Variants in CSN1S1 observed in about 807,000 individuals in gnomAD.
The protein encoded by CSN1S1 is casein alpha s1.
Under a neutral mutation model 49.1 loss-of-function variants are expected in CSN1S1, and 63 were observed. The observed-to-expected ratio is 1.28, with a 90% confidence interval of 1.05 to 1.58. The LOEUF (loss-of-function observed/expected upper bound fraction) is 1.58, where lower values mean the gene tolerates loss of function less well. Among genes scored for constraint, CSN1S1 ranks in the 40% most tolerant of loss-of-function variants. The pLI is 0.00. For missense variants in CSN1S1, 260 were observed against 224.7 expected (o/e 1.16, Z -1.01); for synonymous variants, 78 against 67.1 (o/e 1.16, Z -0.79).
chr4:69,943,083 C>G (rs1019509186), intron 14 of CSN1S1, among the ~76,000 whole-genome samples: 14 of 150,324 alleles, frequency 9.3e-5, no homozygotes, highest in African/African-American at 3.2e-4. Flanking sequence ...CTGTCACTGG[C>G]TAAAGTAAAA....
At chr4:69,933,044 A>T (rs1239689703) in intron 2 of CSN1S1, among the ~76,000 whole-genome samples, 1 of 151,968 alleles carries the variant, frequency 6.6e-6, no homozygotes, top group Non-Finnish European at 1.5e-5. Context: ...TACTTTTGGA[A>T]TCAAAATCAA....
Position 69,942,653 on chromosome 4 carries a change from C to T in CSN1S1, c.402+76C>T, listed in dbSNP as rs1560390656. The T allele has an allele frequency of 3.5e-6, 4 of 1,154,052 alleles. No individual in the cohort carries two copies. The South Asian group carries it at 5.6e-5, about 16-fold the overall frequency. The allele number at this position is 1,154,052 out of a possible 1,614,324, so 71.5% of individuals were successfully genotyped here. A position where few individuals can be genotyped will look rare whatever the true frequency, so the allele number is the denominator to read the frequency against. ...AATATGTTTGCTCTTAAATAGCCCC[C>T]TACTCTTGAAGAGATTTTTTTCTTC... On this transcript the variant is annotated intron_variant, in intron 14 of 15. Coordinates refer to ENST00000246891, the MANE Select transcript of CSN1S1 (RefSeq NM_001890.2).
chr4:69,939,995 C>A, intron 10 of CSN1S1, 26 bp from the exon 11 acceptor site: 1 of 1,324,914 alleles, frequency 7.5e-7, no homozygotes, highest in Admixed American at 2.5e-5. Flanking sequence ...GAAATTAAAA[C>A]TATGCATGTT....
Position 69,937,776 on chromosome 4 carries a change from A to G in CSN1S1, c.220-24A>G, listed in dbSNP as rs576279524. 7.6e-6 allele frequency: 12 copies of G among 1,575,774 alleles called. No individual in the cohort carries two copies. In the East Asian group the frequency reaches 2.7e-4, roughly 36 times the overall value. ...TTGACTATTTGTCATGAAAAATGAA[A>G]TTGATTATTTTTTCTTTCTTAAGAA... On this transcript the variant is annotated intron_variant, in intron 8 of 15. Transcript: ENST00000246891.
At chr4:69,936,369 C>T (rs547590275) in intron 5 of CSN1S1, 87 bp from the exon 6 acceptor site, 7 of 980,512 alleles carry the variant, frequency 7.1e-6, no homozygotes, top group East Asian at 2.5e-5. Flanking sequence ...TGTATCAGCA[C>T]GATGTGAAGT....
Position 69,939,873 on chromosome 4 carries a change from A to G in CSN1S1, c.277-148A>G, listed in dbSNP as rs1324751434. On this transcript the variant is annotated intron_variant, in intron 10 of 15. Coordinates refer to ENST00000246891, the MANE Select transcript of CSN1S1 (RefSeq NM_001890.2). The stretch of plus-strand genomic sequence containing the variant: ...GTGATTATAATATGTGGTTCAAATT[A>G]TTAATCTTGTCTCAGTTTTTTGGGA... 5.7e-6 allele frequency: 3 copies of G among 525,020 alleles called. No individual in the cohort carries two copies. In the Admixed American group the frequency reaches 1.1e-4, roughly 20 times the overall value. 32.5% of individuals were successfully genotyped at this position (525,020 alleles called of 1,614,324 possible). A position where few individuals can be genotyped will look rare whatever the true frequency, so the allele number is the denominator to read the frequency against.
intron 12 of CSN1S1, among the ~76,000 whole-genome samples, chr4:69,941,670 A>G (rs973030754): frequency 2.0e-5 from 3 of 151,922 alleles, no homozygotes; most frequent in South Asian, 2.1e-4. Context: ...ATCGTTATCA[A>G]TAGAGGAAGA....
rs115990970 is a variant in CSN1S1 at position 69,937,557 on chromosome 4, A to T, written c.220-243A>T. Among the ~76,000 whole-genome samples the T allele has an allele frequency of 5.1e-3, 775 of 151,720 alleles. 9 individuals are homozygous for T. The highest frequency in any genetic ancestry group is 0.018 in the African/African-American group (745 of 41,448). ...CAAAAAGTCATGCTGGATAAAGGAA[A>T]ATGTAAACTTGTTTTCACTGATTTG... On this transcript the variant is annotated intron_variant, in intron 8 of 15. Transcript: ENST00000246891.
In CSN1S1 at chr4:69,940,022, A is replaced by G. The variant is rs527237171; in HGVS notation, c.278A>G (p.Glu93Gly). 1 of 1,394,812 alleles carries G rather than the reference A, an allele frequency of 7.2e-7. No homozygotes were observed. Among genetic ancestry groups the G allele is most frequent in the Non-Finnish European group, 9.7e-7 (1 of 1,032,040 alleles). The allele number at this position is 1,394,812 out of a possible 1,614,324, so 86.4% of individuals were successfully genotyped here. A position where few individuals can be genotyped will look rare whatever the true frequency, so the allele number is the denominator to read the frequency against. The part of the protein sequence containing the change: ...MESSISSSSE[E>G]MSLSKCAEQF... ...ATGCATGTTTTAATTTTTTTAAAGG[A>G]AATGTCTCTCAGTAAGTGTGCGGTA... is the stretch of plus-strand genomic sequence containing the variant. Residue 93 changes from glutamate to glycine, a missense_variant and splice_region_variant, in exon 11 of 16, where the codon GAA (glutamate) becomes GGA (glycine). Physicochemically the swap from Glu to Gly is moderately conservative, Grantham distance 98 (BLOSUM62 -2). Coordinates refer to ENST00000246891, the MANE Select transcript of CSN1S1 (RefSeq NM_001890.2).
intron 5 of CSN1S1, 97 bp downstream of exon 5, chr4:69,936,046 T>A (rs1722769287): frequency 1.1e-6 from 1 of 946,588 alleles, no homozygotes; most frequent in Non-Finnish European, 1.6e-6. Flanking sequence ...AAAGTGAAAG[T>A]CAAGGATAAC....
In CSN1S1 at chr4:69,942,068, G is replaced by A; in HGVS notation, c.360+5G>A. 1.4e-6 allele frequency: 2 copies of A among 1,446,024 alleles called. No homozygotes were observed. The highest frequency in any genetic ancestry group is 1.9e-6 in the Non-Finnish European group (2 of 1,072,060). 89.6% of individuals were successfully genotyped at this position (1,446,024 alleles called of 1,614,324 possible). A position where few individuals can be genotyped will look rare whatever the true frequency, so the allele number is the denominator to read the frequency against. On this transcript the variant is annotated splice_donor_5th_base_variant and intron_variant, in intron 13 of 15. Coordinates refer to ENST00000246891, the MANE Select transcript of CSN1S1 (RefSeq NM_001890.2). ...TAGCAAGCTGCCCATGCCCAGGTGA[G>A]ATTATTTATTAAATCTAAAATATTT...
chr4:69,940,588 C>A (rs1397319239), intron 11 of CSN1S1, among the ~76,000 whole-genome samples: 1 of 151,624 alleles, frequency 6.6e-6, no homozygotes, highest in Non-Finnish European at 1.5e-5. Context: ...TGATGTAAAG[C>A]AATTAATGTA....
chr4:69,939,132 T>G, intron 9 of CSN1S1, 44 bp from the exon 10 acceptor site: 1 of 1,496,570 alleles, frequency 6.7e-7, no homozygotes, highest in Non-Finnish European at 9.2e-7. Flanking sequence ...CTTCAAATTC[T>G]AAAAATCCCA....
rs1011607203 is a variant in CSN1S1 at position 69,940,219 on chromosome 4, T to C, written c.300+175T>C. 5.3e-5 allele frequency among the ~76,000 whole-genome samples: 8 copies of C among 151,484 alleles called. No individual in the cohort carries two copies. In the Admixed American group the frequency reaches 5.3e-4, roughly 10 times the overall value. ...AAGTTTTATCAAAGGCAAATAAATA[T>C]ACCAAGGAATGAGTGAGAATGTTGT... On this transcript the variant is annotated intron_variant, in intron 11 of 15. Coordinates refer to ENST00000246891, the MANE Select transcript of CSN1S1 (RefSeq NM_001890.2).
chr4:69,945,643 A>G (rs1723137157), intron 15 of CSN1S1, among the ~76,000 whole-genome samples: 1 of 151,996 alleles, frequency 6.6e-6, no homozygotes, highest in South Asian at 2.1e-4. Flanking sequence ...TTTCGGAAGA[A>G]TTAAGTAAAT....
At chr4:69,941,199 G>A (rs113516243) in intron 12 of CSN1S1, 139 bp downstream of exon 12, 55 of 456,916 alleles carry the variant, frequency 1.2e-4, no homozygotes, top group African/African-American at 9.7e-4. Context: ...CCAATAATTG[G>A]CAAGTTATTT....
At chr4:69,938,001 C>T (rs1009519933) in intron 9 of CSN1S1, among the ~76,000 whole-genome samples, 178 bp downstream of exon 9, 1 of 151,768 alleles carries the variant, frequency 6.6e-6, no homozygotes, top group South Asian at 2.1e-4. Context: ...TTGAACTTCT[C>T]AAACAGGAAT....
At chr4:69,937,250 C>G (rs1722815591) in intron 8 of CSN1S1, 106 bp downstream of exon 8, 1 of 820,900 alleles carries the variant, frequency 1.2e-6, no homozygotes, top group Non-Finnish European at 1.9e-6. Context: ...GCAGATAACT[C>G]TAATTCAAAG....
chr4:69,937,056 T>G, intron 7 of CSN1S1, 65 bp from the exon 8 acceptor site: 1 of 1,367,704 alleles, frequency 7.3e-7, no homozygotes, highest in Non-Finnish European at 1.0e-6. Context: ...TGCTCAAACT[T>G]TATGAGATAA....
Sources: gnomAD v4.1 joint callset for allele counts (sites outside exome capture counted in the v4.1 genomes callset) on GRCh38, gnomAD v4.1.1 for gene constraint, MANE v1.5 for transcripts, NCBI Gene and HGNC (gene_info 2026-07-23, HGNC 2026-07-21) for gene names.